The following GABRA4 variants were observed in gnomAD, a reference collection of about 807,000 sequenced individuals.
The protein encoded by GABRA4 is gamma-aminobutyric acid type A receptor subunit alpha4, also known as gamma-aminobutyric acid receptor subunit alpha-4.
GABRA4 carries 12 observed loss-of-function variants against 49.7 expected under a neutral mutation model. The ratio of observed to expected loss-of-function variants is 0.24; its 90% CI spans 0.15 to 0.39. The LOEUF (loss-of-function observed/expected upper bound fraction) is 0.39, where lower values mean the gene tolerates loss of function less well. GABRA4 is among the 10% of genes least tolerant of loss of function. The pLI is 1.00. For synonymous variants in GABRA4, 288 were observed against 240.2 expected, an observed-to-expected ratio of 1.20 and a Z score of -1.84; for missense variants, 506 against 686.0, an observed-to-expected ratio of 0.74 and a Z score of 2.93.
rs763689947 is a variant in GABRA4 at position 46,928,220 on chromosome 4, C to T, written c.*5G>A. ...ATCTTTTAGCAAACTACTATAGCAACGAAATTACATTAGACTTTCTGATTT... is the reference window on the plus strand; with the variant it reads ...ATCTTTTAGCAAACTACTATAGCAATGAAATTACATTAGACTTTCTGATTT... On this transcript the variant is annotated 3_prime_UTR_variant, in exon 9 of 9. Transcript: ENST00000264318. 2.4e-5 allele frequency: 39 copies of T among 1,594,052 alleles called. No individual in the cohort carries two copies. Among genetic ancestry groups the T allele is most frequent in the Non-Finnish European group, 3.0e-5 (35 of 1,169,152 alleles).
chr4:46,987,026 C>T (rs1331978939), intron 2 of GABRA4, among the ~76,000 whole-genome samples: 3 of 152,120 alleles, frequency 2.0e-5, no homozygotes, highest in Non-Finnish European at 4.4e-5. Flanking sequence ...CCTCTGACTG[C>T]CTGTTCTGAA....
chr4:46,944,101 T>C (rs764003553), intron 8 of GABRA4, among the ~76,000 whole-genome samples: 1 of 152,116 alleles, frequency 6.6e-6, no homozygotes, highest in Non-Finnish European at 1.5e-5. Flanking sequence ...TTGTATACTA[T>C]AAATTTGCAC....
intron 2 of GABRA4, among the ~76,000 whole-genome samples, chr4:46,986,461 T>C (rs1723541169): frequency 6.6e-6 from 1 of 152,054 alleles, no homozygotes; most frequent in Non-Finnish European, 1.5e-5. Context: ...TTTACTTTAG[T>C]TTTATACACA....
At chr4:46,935,389 C>T (rs962489274) in intron 8 of GABRA4, among the ~76,000 whole-genome samples, 3 of 152,098 alleles carry the variant, frequency 2.0e-5, no homozygotes, top group African/African-American at 4.8e-5. Flanking sequence ...TAATGTCTAG[C>T]ACATAGTAGG....
intron 8 of GABRA4, among the ~76,000 whole-genome samples, chr4:46,930,635 A>ATT (rs5858045): frequency 0.22 from 33,840 of 150,714 alleles, 3,964 homozygotes; most frequent in East Asian, 0.27. Context: ...AAAGAAATAC[A>ATT]TTTTTTTTTC....
intron 8 of GABRA4, among the ~76,000 whole-genome samples, chr4:46,946,790 A>G (rs1353235911): frequency 6.6e-6 from 1 of 152,146 alleles, no homozygotes; most frequent in East Asian, 1.9e-4. Flanking sequence ...GCACTGGTGC[A>G]TTGAAAGTTC....
intron 2 of GABRA4, among the ~76,000 whole-genome samples, chr4:46,982,281 T>C (rs1225566114): frequency 6.6e-6 from 1 of 152,048 alleles, no homozygotes; most frequent in Non-Finnish European, 1.5e-5. Flanking sequence ...TATTTGGAGA[T>C]AGAATTTTTA....
chr4:46,983,395 T>C (rs1012910103), intron 2 of GABRA4, among the ~76,000 whole-genome samples: 1 of 152,110 alleles, frequency 6.6e-6, no homozygotes, highest in African/African-American at 2.4e-5. Context: ...AAAATCTTAA[T>C]CCTTTTTGAA....
chr4:46,992,935 G>A lies in GABRA4; in HGVS notation c.98C>T (p.Ser33Phe), dbSNP rs139428676. The A allele has an allele frequency of 2.5e-6, 4 of 1,587,702 alleles. No homozygotes were observed. The African/African-American group carries it at 5.5e-5, about 22-fold the overall frequency. ...FLCLAVCLNE[S>F]PGQNQKEEKL... is the part of the protein sequence containing the mutation. ...CTCCTCCTTTTGGTTCTGTCCTGGG[G>A]ATTCGTTTAAACTGCAAGCGAAAAA... is the stretch of plus-strand genomic sequence containing the variant. The change falls in exon 2 of 9, where the codon TCC (serine) becomes TTC (phenylalanine). Residue 33 changes from serine to phenylalanine, a missense_variant. Physicochemically the swap from Ser to Phe is radical, Grantham distance 155. This residue lies in a region of GABRA4 where 195 missense variants were observed against 326.0 expected (regional missense o/e 0.60). Coordinates refer to ENST00000264318, the MANE Select transcript of GABRA4 (RefSeq NM_000809.4).
intron 8 of GABRA4, among the ~76,000 whole-genome samples, chr4:46,942,645 T>A (rs976696916): frequency 1.8e-4 from 27 of 149,334 alleles, no homozygotes; most frequent in Admixed American, 1.2e-3. Flanking sequence ...AAAAAAAAAA[T>A]TATGTCTTAC....
At position 46,949,280 on chromosome 4, in the gene GABRA4, A is replaced by G. The variant is rs778956383; in HGVS notation, c.1134+15690T>C. Among the ~76,000 whole-genome samples, 117 of 152,152 alleles carry G rather than the reference A, an allele frequency of 7.7e-4. 2 individuals are homozygous for G. Among genetic ancestry groups the G allele is most frequent in the Non-Finnish European group, 1.6e-4 (11 of 68,012 alleles). On this transcript the variant is annotated intron_variant, in intron 8 of 8. Coordinates refer to ENST00000264318, the MANE Select transcript of GABRA4 (RefSeq NM_000809.4). ...TGTACTACTAACCTTTAAGCCCATT[A>G]TAGTATGTCTATTACAGTCACATAT...
intron 8 of GABRA4, among the ~76,000 whole-genome samples, chr4:46,932,580 A>C (rs1218372307): frequency 3.9e-5 from 6 of 152,180 alleles, no homozygotes; most frequent in Non-Finnish European, 8.8e-5. Flanking sequence ...AGGATTATTA[A>C]GTCTTTAGAA....
intron 8 of GABRA4, among the ~76,000 whole-genome samples, chr4:46,958,186 G>T (rs1165341439): frequency 6.6e-6 from 1 of 151,870 alleles, no homozygotes; most frequent in Non-Finnish European, 1.5e-5. Context: ...ACCATTTTCT[G>T]TCTGTGTTAT....
chr4:46,976,485 A>G (rs970376129), intron 5 of GABRA4, among the ~76,000 whole-genome samples: 7 of 150,980 alleles, frequency 4.6e-5, no homozygotes, highest in Admixed American at 1.3e-4. Flanking sequence ...AATGTGCTGT[A>G]TAAGGCATTA....
intron 8 of GABRA4, among the ~76,000 whole-genome samples, chr4:46,951,291 A>G (rs1185748218): frequency 2.0e-5 from 3 of 149,436 alleles, no homozygotes; most frequent in Non-Finnish European, 4.4e-5. Flanking sequence ...TTTATATATT[A>G]TTAAATATAT....
At chr4:46,989,056 A>G (rs929345715) in intron 2 of GABRA4, among the ~76,000 whole-genome samples, 1 of 152,218 alleles carries the variant, frequency 6.6e-6, no homozygotes, top group African/African-American at 2.4e-5. Context: ...AAATTGACTC[A>G]AATGCTTCAT....
intron 8 of GABRA4, 81 bp from the exon 9 acceptor site, chr4:46,928,836 A>C: frequency 1.1e-6 from 1 of 891,456 alleles, no homozygotes; most frequent in Non-Finnish European, 1.7e-6. Context: ...CAAAATTCTT[A>C]AAATTAGTCA....
chr4:46,937,605 T>C (rs571997288), intron 8 of GABRA4, among the ~76,000 whole-genome samples: 2 of 152,314 alleles, frequency 1.3e-5, no homozygotes, highest in Non-Finnish European at 2.9e-5. Flanking sequence ...AAAGCTAAAA[T>C]ACTTTTGACA....
At position 46,964,849 on chromosome 4, in the gene GABRA4, G is replaced by A. The variant is rs1295799115; in HGVS notation, c.1134+121C>T. The A allele has an allele frequency of 3.1e-5, 33 of 1,080,940 alleles. 1 individual carries two copies. The East Asian group carries it at 7.3e-4, about 24-fold the overall frequency. The allele number at this position is 1,080,940 out of a possible 1,614,324, so 67.0% of individuals were successfully genotyped here. On this transcript the variant is annotated intron_variant, in intron 8 of 8. Transcript: ENST00000264318. The stretch of plus-strand genomic sequence containing the variant: ...CATACAGTTACTTTTATGTTTTTCT[G>A]TATTTTTAAATGACTTACAAGTTGA...
Sources: allele counts gnomAD v4.1 joint callset (sites outside exome capture counted in the v4.1 genomes callset), GRCh38; gene constraint gnomAD v4.1.1; regional missense constraint gnomAD v4.1.1; transcripts MANE v1.5; gene names NCBI Gene and HGNC (gene_info 2026-07-23, HGNC 2026-07-21).